Variants in TG observed in about 807,000 individuals in gnomAD.
TG encodes the protein thyroglobulin, also known as thyroid hormones.
Under a neutral mutation model 324.7 loss-of-function variants are expected in TG, and 270 were observed. The ratio of observed to expected loss-of-function variants is 0.83; its 90% CI spans 0.75 to 0.92. The LOEUF (loss-of-function observed/expected upper bound fraction) is 0.92, where lower values mean the gene tolerates loss of function less well. Among genes scored for constraint, TG ranks in the 40% least tolerant of loss-of-function variants. The pLI, the probability that TG is intolerant of heterozygous loss-of-function variation, is 0.00. For missense variants in TG, 3,591 were observed against 3,456.4 expected (o/e 1.04, Z -0.98); for synonymous variants, 1,401 against 1,327.0 (o/e 1.06, Z -1.21).
At chr8:133,051,341 TA>T (rs1383583743) in intron 41 of TG, among the ~76,000 whole-genome samples, 2 of 152,108 alleles carry the variant, frequency 1.3e-5, no homozygotes, top group Admixed American at 1.3e-4. Context: ...TAAGTTGCTG[TA>T]AAAACCCCCC....
chr8:133,106,308 G>A, intron 43 of TG: 1 of 694,322 alleles, frequency 1.4e-6, no homozygotes, highest in Non-Finnish European at 1.8e-6. Context: ...GGGGGAAGCA[G>A]CGCTGAGGGG....
rs199565948 is a variant in TG, at chr8:132,948,965, A to G, written c.5401+22A>G. The G allele has an allele frequency of 8.7e-6, 14 of 1,610,022 alleles. No homozygotes were observed. The East Asian group carries it at 1.3e-4, about 15-fold the overall frequency. On this transcript the variant is annotated intron_variant, in intron 27 of 47. Coordinates refer to ENST00000220616, the MANE Select transcript of TG (RefSeq NM_003235.5). ...AAGAGTAAGTCTTTGCCATTTGTCC[A>G]TATTCTTTCAAAATTACTCTTCACA...
intron 8 of TG, 150 bp from the exon 9 acceptor site, chr8:132,886,298 A>AG: frequency 4.2e-6 from 5 of 1,186,684 alleles, no homozygotes; most frequent in Non-Finnish European, 6.0e-6. Context: ...AAAGGAAAAA[A>AG]TAAAATGACA....
At chr8:132,957,467 C>G (rs1401146876) in intron 27 of TG, among the ~76,000 whole-genome samples, 1 of 152,054 alleles carries the variant, frequency 6.6e-6, no homozygotes, top group Non-Finnish European at 1.5e-5. Flanking sequence ...GGGAAGCACC[C>G]ATTTGTCTTT....
intron 43 of TG, among the ~76,000 whole-genome samples, chr8:133,105,134 G>A (rs1250681840): frequency 1.3e-5 from 2 of 152,170 alleles, no homozygotes; most frequent in East Asian, 1.9e-4. Flanking sequence ...TACTTTTCTG[G>A]TGGGGATTCT....
intron 29 of TG, 149 bp downstream of exon 29, chr8:132,963,223 C>A: frequency 1.2e-6 from 1 of 832,562 alleles, no homozygotes; most frequent in Non-Finnish European, 2.0e-6. Context: ...CCCAATTATC[C>A]AGCTCATAAA....
Position 132,935,819 on chromosome 8 carries a change from G to C in TG, c.4996G>C (p.Val1666Leu), listed in dbSNP as rs1823498425. The C allele has an allele frequency of 6.2e-7, 1 of 1,612,738 alleles. No individual in the cohort carries two copies. The highest frequency in any genetic ancestry group is 8.5e-7 in the Non-Finnish European group (1 of 1,180,042). The change falls in exon 25 of 48, where the codon GTG (valine) becomes CTG (leucine). Residue 1666 changes from valine to leucine, a missense_variant. Coordinates refer to ENST00000220616, the MANE Select transcript of TG (RefSeq NM_003235.5). ...TGGAAGTCTTCGCTGCCAGGTGAAA[G>C]TGAGGAGCCATGGTCAAGATTCTCC... ...SFGSLRCQVK[V>L]RSHGQDSPAV...
chr8:133,042,676 GTCTTTTTTTTTTT>G (rs1463022150), intron 41 of TG, among the ~76,000 whole-genome samples: 1 of 55,582 alleles, frequency 1.8e-5, no homozygotes, highest in Non-Finnish European at 3.4e-5. Context: ...CTCATTCTGT[GTCTTTTTTTTTTT>G]TTTTTTTTTT....
rs77797283 is a variant in TG, at chr8:132,941,597, T to C, written c.5233+55T>C. 5,375 of 1,607,018 alleles carry C rather than the reference T, an allele frequency of 3.3e-3. 136 individuals are homozygous for C. The East Asian group carries it at 0.062, about 19-fold the overall frequency. On this transcript the variant is annotated intron_variant, in intron 26 of 47. Transcript: ENST00000220616. ...ACAAGGGATGGGGAGCACACAGGGA[T>C]GCAGAAGCCAGGACACACAACATGG...
In TG at chr8:133,114,248, A is replaced by G. The variant is rs547265376; in HGVS notation, c.7754+645A>G. The stretch of plus-strand genomic sequence containing the variant: ...CTCTCTGGGGCCCGCTGTTTCTTGT[A>G]TCCACTGCTTACATGCCTTGTCCCC... On this transcript the variant is annotated intron_variant, in intron 44 of 47. Coordinates refer to ENST00000220616, the MANE Select transcript of TG (RefSeq NM_003235.5). 2.6e-5 allele frequency among the ~76,000 whole-genome samples: 4 copies of G among 152,236 alleles called. 1 individual carries two copies. Among genetic ancestry groups the G allele is most frequent in the Non-Finnish European group, 5.9e-5 (4 of 68,002 alleles).
chr8:133,057,052 G>A (rs890267903), intron 41 of TG, among the ~76,000 whole-genome samples: 2 of 152,144 alleles, frequency 1.3e-5, no homozygotes, highest in African/African-American at 4.8e-5. Flanking sequence ...CTGGGTTTGA[G>A]AGGTCCCTAC....
intron 41 of TG, chr8:133,076,780 C>G (rs1254864798): frequency 1.1e-5 from 1 of 94,014 alleles, no homozygotes; most frequent in African/African-American, 4.6e-5. Context: ...AAAAAAAAAA[C>G]AACTGCAAAA....
chr8:132,883,527 G>C (rs542477837), intron 8 of TG, among the ~76,000 whole-genome samples: 1 of 152,266 alleles, frequency 6.6e-6, no homozygotes, highest in East Asian at 1.9e-4. Context: ...CTGCAAGAAG[G>C]ATAGAGAAAA....
At chr8:133,038,370 G>A (rs1564099532) in intron 41 of TG, 8 of 647,246 alleles carry the variant, frequency 1.2e-5, no homozygotes, top group East Asian at 2.6e-5. Context: ...GATGTGGATA[G>A]AGAAGATGCG....
rs984516725 is a variant in TG at position 132,980,189 on chromosome 8, C to T, written c.6200-3161C>T. Among the ~76,000 whole-genome samples, 4 of 151,986 alleles carry T rather than the reference C, an allele frequency of 2.6e-5. No individual in the cohort carries two copies. In the East Asian group the frequency reaches 7.7e-4, roughly 29 times the overall value. On this transcript the variant is annotated intron_variant, in intron 34 of 47. Transcript: ENST00000220616. Reference sequence around the variant, plus strand: ...TAAGATGACTGGTGGCTGGAGGCCCCTAGACAGGTTAAGAAGGAGGGCTAG... The same window carrying T: ...TAAGATGACTGGTGGCTGGAGGCCCTTAGACAGGTTAAGAAGGAGGGCTAG...
At chr8:133,060,166 T>G in intron 41 of TG, 1 of 1,612,876 alleles carries the variant, frequency 6.2e-7, no homozygotes, top group Non-Finnish European at 8.5e-7. Flanking sequence ...CCCATTTCTT[T>G]CTTTTTCCCT....
At chr8:133,057,672 T>C (rs1003951127) in intron 41 of TG, among the ~76,000 whole-genome samples, 1 of 152,076 alleles carries the variant, frequency 6.6e-6, no homozygotes, top group African/African-American at 2.4e-5. Flanking sequence ...CTTGCTCTAT[T>C]TCCCTCAAGT....
rs775118166 is a variant in TG, at chr8:133,013,603, G to A, written c.6401G>A (p.Cys2134Tyr). The stretch of plus-strand genomic sequence containing the variant: ...CTCTTCTCCCTCTTTTCTGCAGAAT[G>A]TTCCCAACATGAGGCCTGTCTCATC... ...SAVRDLCLSE[C>Y]SQHEACLITT... Residue 2134 changes from cysteine to tyrosine, a missense_variant, in exon 37 of 48, where the codon TGT (cysteine) becomes TAT (tyrosine). By Grantham distance (194) the Cys-to-Tyr change is radical. Transcript: ENST00000220616. The A allele has an allele frequency of 1.2e-6, 2 of 1,614,162 alleles. No homozygotes were observed. The highest frequency in any genetic ancestry group is 1.7e-6 in the Non-Finnish European group (2 of 1,180,040).
intron 40 of TG, among the ~76,000 whole-genome samples, chr8:133,027,292 C>G (rs139927521): frequency 3.3e-4 from 50 of 152,314 alleles, no homozygotes; most frequent in Non-Finnish European, 5.6e-4. Flanking sequence ...CGGGGCAGAC[C>G]AGGGCGGGTG....
Sources: allele counts gnomAD v4.1 joint callset (sites outside exome capture counted in the v4.1 genomes callset), GRCh38; gene constraint gnomAD v4.1.1; transcripts MANE v1.5; gene names NCBI Gene and HGNC (gene_info 2026-07-23, HGNC 2026-07-21).